The following KIF5C variants were observed in gnomAD, a reference collection of about 807,000 sequenced individuals.
The protein encoded by KIF5C is kinesin family member 5C.
In KIF5C, 18 loss-of-function variants were observed where a neutral mutation model predicts 125.2. That is an observed-to-expected ratio of 0.14 (90% CI 0.10 to 0.21). The LOEUF (loss-of-function observed/expected upper bound fraction) is 0.21. Ranked by LOEUF, KIF5C falls within the 10% of genes least tolerant of loss-of-function variation. The probability of loss-of-function intolerance (pLI) is 1.00; values close to 1 mark genes in which losing one functional copy is unlikely to be tolerated. For synonymous variants in KIF5C, 405 were observed against 434.0 expected (o/e 0.93, Z 0.83); for missense variants, 780 against 1,183.8 (o/e 0.66, Z 5.01).
At position 148,962,745 on chromosome 2, in the gene KIF5C, C is replaced by T. The variant is rs78836195; in HGVS notation, c.1117+626C>T. ...ATATTGTAATAACTTGCTGGTACCC[C>T]TATTTGTAGGTTAGAGGAAAGTGCC... On this transcript the variant is annotated intron_variant, in intron 11 of 25. Coordinates refer to ENST00000435030, the MANE Select transcript of KIF5C (RefSeq NM_004522.3). Among the ~76,000 whole-genome samples the T allele has an allele frequency of 3.7e-3, 571 of 152,268 alleles. 1 individual carries two copies. Among genetic ancestry groups the T allele is most frequent in the Non-Finnish European group, 6.5e-3 (441 of 68,032 alleles).
At chr2:148,977,561 G>A (rs1056845489) in intron 12 of KIF5C, among the ~76,000 whole-genome samples, 1 of 152,210 alleles carries the variant, frequency 6.6e-6, no homozygotes, top group Non-Finnish European at 1.5e-5. Context: ...AGTTGTAGAA[G>A]TGCCAGTTTT....
At chr2:148,937,670 A>C (rs1558906048) in intron 4 of KIF5C, among the ~76,000 whole-genome samples, 2 of 152,134 alleles carry the variant, frequency 1.3e-5, no homozygotes, top group Non-Finnish European at 2.9e-5. Context: ...GTATGACTGA[A>C]ATGTGTTTGT....
At chr2:148,890,922 G>T (rs1269004489) in intron 1 of KIF5C, among the ~76,000 whole-genome samples, 1 of 152,118 alleles carries the variant, frequency 6.6e-6, no homozygotes, top group Non-Finnish European at 1.5e-5. Flanking sequence ...GGATGACATT[G>T]TTCTGGCTAC....
chr2:148,905,612 C>T (rs750259198), intron 1 of KIF5C, among the ~76,000 whole-genome samples: 6 of 152,136 alleles, frequency 3.9e-5, no homozygotes, highest in Non-Finnish European at 5.9e-5. Context: ...GAAGCAAGGT[C>T]GATGGCAGGT....
intron 3 of KIF5C, among the ~76,000 whole-genome samples, chr2:148,934,310 C>T (rs1301860099): frequency 6.6e-6 from 1 of 151,588 alleles, no homozygotes; most frequent in African/African-American, 2.4e-5. Context: ...TACATAACAT[C>T]ATAAACATAC....
At chr2:149,018,777 T>A (rs576829718) in intron 25 of KIF5C, among the ~76,000 whole-genome samples, 2 of 152,148 alleles carry the variant, frequency 1.3e-5, no homozygotes, top group Non-Finnish European at 2.9e-5. Context: ...GAGGCTGTGG[T>A]GAGCCATGTT....
chr2:149,007,324 G>A (rs998965068), intron 22 of KIF5C, among the ~76,000 whole-genome samples: 2 of 152,148 alleles, frequency 1.3e-5, no homozygotes, highest in African/African-American at 4.8e-5. Flanking sequence ...GATGTGTTAG[G>A]ACCTGTACTT....
At chr2:149,022,999 TAAAC>T (rs1460296157) in intron 25 of KIF5C, 75 bp from the exon 26 acceptor site, 1 of 152,220 alleles carries the variant, frequency 6.6e-6, no homozygotes, top group Non-Finnish European at 1.5e-5. Flanking sequence ...CATCTAGAAT[TAAAC>T]AAAACTTTTT....
intron 1 of KIF5C, chr2:148,878,823 A>T (rs1681267128): frequency 6.6e-6 from 1 of 152,222 alleles, no homozygotes; most frequent in African/African-American, 2.4e-5. Context: ...ATCCAGAAAT[A>T]TGTCACCTTC....
In KIF5C at chr2:148,875,575, G is replaced by GGGGGC; in HGVS notation, c.-43_-42insGGGGC. ...TCCTCCCTCGTCGTTCCCGGCCCCG[G>GGGGGC]CCCCCCACCCATCCCCGTGCCCCCT... On this transcript the variant is annotated 5_prime_UTR_variant, in exon 1 of 26. Coordinates refer to ENST00000435030, the MANE Select transcript of KIF5C (RefSeq NM_004522.3). The GGGGGC allele has an allele frequency of 1.4e-6, 1 of 699,606 alleles. No individual in the cohort carries two copies. Among genetic ancestry groups the GGGGGC allele is most frequent in the Non-Finnish European group, 2.6e-6 (1 of 389,230 alleles). 43.3% of individuals were successfully genotyped at this position (699,606 alleles called of 1,614,324 possible).
intron 1 of KIF5C, among the ~76,000 whole-genome samples, chr2:148,898,722 G>T (rs1160588999): frequency 6.6e-6 from 1 of 152,192 alleles, no homozygotes; most frequent in Non-Finnish European, 1.5e-5. Flanking sequence ...AGCTCTGCAG[G>T]CTTCTTGACA....
chr2:148,994,548 TGA>T lies in KIF5C; in HGVS notation c.2023+11_2023+12del. ...AAGCTCCGAGCCCAGGGTAAATATT[TGA>T]CTAACGTGCAGGTGTCAAACACCTG... On this transcript the variant is annotated intron_variant, in intron 17 of 25. Coordinates refer to ENST00000435030, the MANE Select transcript of KIF5C (RefSeq NM_004522.3). 1 of 1,554,402 alleles carries T rather than the reference TGA, an allele frequency of 6.4e-7. No individual in the cohort carries two copies. The highest frequency in any genetic ancestry group is 8.7e-7 in the Non-Finnish European group (1 of 1,148,772).
chr2:148,921,954 A>T (rs1216639011), intron 1 of KIF5C, among the ~76,000 whole-genome samples, 183 bp from the exon 2 acceptor site: 2 of 152,264 alleles, frequency 1.3e-5, no homozygotes, highest in Non-Finnish European at 2.9e-5. Context: ...TACAGTGCAC[A>T]TATACACAAT....
chr2:148,888,645 A>T (rs944727572), intron 1 of KIF5C: 1 of 152,002 alleles, frequency 6.6e-6, no homozygotes, highest in Non-Finnish European at 1.5e-5. Flanking sequence ...CACAGAATTG[A>T]TTTTTTTCCT....
intron 11 of KIF5C, among the ~76,000 whole-genome samples, chr2:148,967,138 A>G (rs1680752835): frequency 1.3e-5 from 2 of 152,148 alleles, no homozygotes; most frequent in African/African-American, 4.8e-5. Flanking sequence ...TGACATTGCC[A>G]TGGAGGCAGG....
rs867813338 is a variant in KIF5C at position 149,013,142 on chromosome 2, G to A, written c.*7+1459G>A. Among the ~76,000 whole-genome samples the A allele has an allele frequency of 9.2e-5, 14 of 152,160 alleles. No individual in the cohort carries two copies. In the South Asian group the frequency reaches 1.7e-3, roughly 18 times the overall value. ...CTCTCCATGGTTTATACAGGATGGC[G>A]GTTTACGTCTGTCTTATGTAAGGGA... On this transcript the variant is annotated intron_variant, in intron 25 of 25. Coordinates refer to ENST00000435030, the MANE Select transcript of KIF5C (RefSeq NM_004522.3).
intron 11 of KIF5C, among the ~76,000 whole-genome samples, chr2:148,967,704 G>C (rs1221890905): frequency 6.6e-6 from 1 of 152,154 alleles, no homozygotes; most frequent in African/African-American, 2.4e-5. Flanking sequence ...CGAATCTGGA[G>C]GCTCTGTTGG....
In KIF5C at chr2:149,010,196, C is replaced by G. The variant is rs1458424820; in HGVS notation, c.2612C>G (p.Ala871Gly). ...ELPKLEKRLR[A>G]TAERVKALES... is the part of the protein sequence containing the mutation. ...CCCAAGCTGGAGAAGCGGCTGCGTG[C>G]CACGGCGGAGCGCGTCAAGGCTCTG... The change falls in exon 24 of 26, where the codon GCC (alanine) becomes GGC (glycine). Residue 871 changes from alanine (A) to glycine (G), a missense_variant. This residue lies in a region of KIF5C where 573 missense variants were observed against 742.6 expected (regional missense o/e 0.77). Coordinates refer to ENST00000435030, the MANE Select transcript of KIF5C (RefSeq NM_004522.3). 1 of 1,556,592 alleles carries G rather than the reference C, an allele frequency of 6.4e-7. No homozygotes were observed. Among genetic ancestry groups the G allele is most frequent in the South Asian group, 1.2e-5 (1 of 84,210 alleles).
At chr2:148,888,930 G>C (rs1681631627) in intron 1 of KIF5C, 1 of 151,970 alleles carries the variant, frequency 6.6e-6, no homozygotes, top group African/African-American at 2.4e-5. Context: ...ATGTCCATTG[G>C]GCTGATAGGT....
Sources: gnomAD v4.1 joint callset for allele counts (sites outside exome capture counted in the v4.1 genomes callset) on GRCh38, gnomAD v4.1.1 for gene constraint, gnomAD v4.1.1 regional missense constraint, MANE v1.5 for transcripts, NCBI Gene and HGNC (gene_info 2026-07-23, HGNC 2026-07-21) for gene names.